Variants in CRB3 observed in about 807,000 individuals in gnomAD.
The protein encoded by CRB3 is crumbs cell polarity complex component 3, also known as protein crumbs homolog 3.
Under a neutral mutation model 10.4 loss-of-function variants are expected in CRB3, and 4 were observed. That is an observed-to-expected ratio of 0.39 (90% CI 0.19 to 0.88). The LOEUF (loss-of-function observed/expected upper bound fraction) is 0.88, where lower values mean the gene tolerates loss of function less well. Ranked by LOEUF, CRB3 falls within the 40% of genes least tolerant of loss-of-function variation. The pLI is 0.39. For synonymous variants in CRB3, 74 were observed against 73.4 expected (o/e 1.01, Z -0.04); for missense variants, 154 against 160.2 (o/e 0.96, Z 0.21).
At position 6,466,780 on chromosome 19, in the gene CRB3, GTGGGGAGAGGC is replaced by G; in HGVS notation, c.*114_*124del. On this transcript the variant is annotated 3_prime_UTR_variant, in exon 4 of 4. Coordinates refer to ENST00000600229, the MANE Select transcript of CRB3 (RefSeq NM_139161.5). The surrounding 1 kb of genome is among the most constrained non-coding windows in gnomAD (Gnocchi z 4.9). ...AGCCTCTGATGGCTCAGGAGGACTT[GTGGGGAGAGGC>G]TGGGGGCACCCATGTGGTGGGCTCT... 1 of 1,549,896 alleles carries G rather than the reference GTGGGGAGAGGC, an allele frequency of 6.5e-7. No individual in the cohort carries two copies. The highest frequency in any genetic ancestry group is 1.2e-5 in the South Asian group (1 of 82,842).
chr19:6,466,724 G>C lies in CRB3; in HGVS notation c.*52G>C. ...CACTGCCCAGGACTGCGGGTTGCTG[G>C]CTTGTACACCGCAGCTGCCACCGAG... On this transcript the variant is annotated 3_prime_UTR_variant, in exon 4 of 4. Coordinates refer to ENST00000600229, the MANE Select transcript of CRB3 (RefSeq NM_139161.5). The surrounding 1 kb of genome is among the most constrained non-coding windows in gnomAD (Gnocchi z 4.9). 6.4e-7 allele frequency: 1 copy of C among 1,574,142 alleles called. No individual in the cohort carries two copies. Among genetic ancestry groups the C allele is most frequent in the Admixed American group, 1.8e-5 (1 of 55,870 alleles).
rs1342831950 is a variant in CRB3, at chr19:6,466,314, C to T, written c.157-152C>T. 3 of 725,224 alleles carry T rather than the reference C, an allele frequency of 4.1e-6. No individual in the cohort carries two copies. In the African/African-American group the frequency reaches 5.3e-5, roughly 13 times the overall value. 44.9% of individuals were successfully genotyped at this position (725,224 alleles called of 1,614,324 possible). On this transcript the variant is annotated intron_variant, in intron 3 of 3. Coordinates refer to ENST00000600229, the MANE Select transcript of CRB3 (RefSeq NM_139161.5). The surrounding 1 kb of genome is among the most constrained non-coding windows in gnomAD (Gnocchi z 4.9). Reference sequence around the variant, plus strand: ...ACAAGGTAGGTAGGGATCCAGGAAGCCCCACTGTGGGGATCAGATCACCAA... The same window carrying T: ...ACAAGGTAGGTAGGGATCCAGGAAGTCCCACTGTGGGGATCAGATCACCAA...
At position 6,466,608 on chromosome 19, in the gene CRB3, AGGTGGGTGCCCGC is replaced by A; in HGVS notation, c.301_313del (p.Val101CysfsTer47). The A allele has an allele frequency of 6.2e-7, 1 of 1,606,548 alleles. No individual in the cohort carries two copies. Among genetic ancestry groups the A allele is most frequent in the Non-Finnish European group, 8.5e-7 (1 of 1,179,926 alleles). ...ACCTACCGGCCCAGTAGCGAGGAGC[AGGTGGGTGCCCGC>A]GTGCCACCGACCCCCAACCTCAAGT... On this transcript the variant is annotated frameshift_variant, in exon 4 of 4. Transcript: ENST00000600229. LOFTEE classifies it high-confidence loss of function. The surrounding 1 kb of genome is among the most constrained non-coding windows in gnomAD (Gnocchi z 4.9).
chr19:6,466,801 C>G lies in CRB3; in HGVS notation c.*129C>G. 1 of 1,552,884 alleles carries G rather than the reference C, an allele frequency of 6.4e-7. No individual in the cohort carries two copies. Among genetic ancestry groups the G allele is most frequent in the Non-Finnish European group, 8.7e-7 (1 of 1,150,054 alleles). Reference sequence around the variant, plus strand: ...ACTTGTGGGGAGAGGCTGGGGGCACCCATGTGGTGGGCTCTGTGCAGCATG... The same window carrying G: ...ACTTGTGGGGAGAGGCTGGGGGCACGCATGTGGTGGGCTCTGTGCAGCATG... On this transcript the variant is annotated 3_prime_UTR_variant, in exon 4 of 4. Coordinates refer to ENST00000600229, the MANE Select transcript of CRB3 (RefSeq NM_139161.5). The surrounding 1 kb of genome is among the most constrained non-coding windows in gnomAD (Gnocchi z 4.9).
chr19:6,466,394 G>T lies in CRB3; in HGVS notation c.157-72G>T, dbSNP rs2092794468. On this transcript the variant is annotated intron_variant, in intron 3 of 3. Coordinates refer to ENST00000600229, the MANE Select transcript of CRB3 (RefSeq NM_139161.5). This position sits in a 1 kb window ranked among gnomAD's most constrained non-coding sequence, Gnocchi z 4.9. ...GTGTTGTGGGGTAGGGGGTGATGAGGGGGATGCCATTCAGGTGGAGGTGGA... is the reference window on the plus strand; with the variant it reads ...GTGTTGTGGGGTAGGGGGTGATGAGTGGGATGCCATTCAGGTGGAGGTGGA... The T allele has an allele frequency of 1.6e-6, 2 of 1,251,248 alleles. No homozygotes were observed. The highest frequency in any genetic ancestry group is 2.3e-6 in the Non-Finnish European group (2 of 859,888). 77.5% of individuals were successfully genotyped at this position (1,251,248 alleles called of 1,614,324 possible).
Position 6,464,836 on chromosome 19 carries a change from T to G in CRB3, c.82+53T>G. On this transcript the variant is annotated intron_variant, in intron 2 of 3. Coordinates refer to ENST00000600229, the MANE Select transcript of CRB3 (RefSeq NM_139161.5). This position sits in a 1 kb window ranked among gnomAD's most constrained non-coding sequence, Gnocchi z 5.3. ...GGAGGGGTCTGGATTCCTGGATCTC[T>G]GCTGGGGACGTGGCTTAGAAGCGCT... 7.4e-5 allele frequency: 80 copies of G among 1,082,790 alleles called. No homozygotes were observed. Among genetic ancestry groups the G allele is most frequent in the South Asian group, 9.3e-5 (2 of 21,528 alleles). The allele number at this position is 1,082,790 out of a possible 1,614,324, so 67.1% of individuals were successfully genotyped here. A position where few individuals can be genotyped will look rare whatever the true frequency, so the allele number is the denominator to read the frequency against.
chr19:6,467,091 G>T lies in CRB3; in HGVS notation c.*419G>T. ...TGGGGAAAGGCAGTGCCCTCTCTGGGCAGTCAGATCCACCCAGTGCTTAAT... is the reference window on the plus strand; with the variant it reads ...TGGGGAAAGGCAGTGCCCTCTCTGGTCAGTCAGATCCACCCAGTGCTTAAT... On this transcript the variant is annotated 3_prime_UTR_variant, in exon 4 of 4. Transcript: ENST00000600229. 1 of 1,432,780 alleles carries T rather than the reference G, an allele frequency of 7.0e-7. No homozygotes were observed. The highest frequency in any genetic ancestry group is 9.8e-7 in the Non-Finnish European group (1 of 1,020,762). The allele number at this position is 1,432,780 out of a possible 1,614,324, so 88.8% of individuals were successfully genotyped here.
At position 6,464,658 on chromosome 19, in the gene CRB3, G is replaced by C; in HGVS notation, c.-44G>C. The C allele has an allele frequency of 8.6e-7, 1 of 1,161,950 alleles. No homozygotes were observed. The highest frequency in any genetic ancestry group is 1.1e-6 in the Non-Finnish European group (1 of 924,144). The allele number at this position is 1,161,950 out of a possible 1,614,324, so 72.0% of individuals were successfully genotyped here. ...CGGAGATGCGGTAGGAGGGGCGAGC[G>C]CGAGAAGCCCCTTCCTCGGCGCTGC... On this transcript the variant is annotated 5_prime_UTR_variant, in exon 2 of 4. Coordinates refer to ENST00000600229, the MANE Select transcript of CRB3 (RefSeq NM_139161.5). This position sits in a 1 kb window ranked among gnomAD's most constrained non-coding sequence, Gnocchi z 5.3.
intron 2 of CRB3, 89 bp from the exon 3 acceptor site, chr19:6,465,456 T>G (rs1599370007): frequency 1.9e-6 from 2 of 1,032,066 alleles, no homozygotes; most frequent in Non-Finnish European, 1.5e-6. Flanking sequence ...TAGGGGGAGG[T>G]GAAGGGGAAT....
Position 6,466,395 on chromosome 19 carries a change from G to C in CRB3, c.157-71G>C. Reference sequence around the variant, plus strand: ...TGTTGTGGGGTAGGGGGTGATGAGGGGGATGCCATTCAGGTGGAGGTGGAC... The same window carrying C: ...TGTTGTGGGGTAGGGGGTGATGAGGCGGATGCCATTCAGGTGGAGGTGGAC... On this transcript the variant is annotated intron_variant, in intron 3 of 3. Coordinates refer to ENST00000600229, the MANE Select transcript of CRB3 (RefSeq NM_139161.5). The surrounding 1 kb of genome is among the most constrained non-coding windows in gnomAD (Gnocchi z 4.9). The C allele has an allele frequency of 7.9e-7, 1 of 1,260,512 alleles. No individual in the cohort carries two copies. Among genetic ancestry groups the C allele is most frequent in the Non-Finnish European group, 1.2e-6 (1 of 867,964 alleles). 78.1% of individuals were successfully genotyped at this position (1,260,512 alleles called of 1,614,324 possible).
rs1336144310 is a variant in CRB3, at chr19:6,466,310, G to A, written c.157-156G>A. Among the ~76,000 whole-genome samples, 1 of 151,950 alleles carries A rather than the reference G, an allele frequency of 6.6e-6. No homozygotes were observed. ...CCAGACAAGGTAGGTAGGGATCCAG[G>A]AAGCCCCACTGTGGGGATCAGATCA... On this transcript the variant is annotated intron_variant, in intron 3 of 3. Coordinates refer to ENST00000600229, the MANE Select transcript of CRB3 (RefSeq NM_139161.5). This position sits in a 1 kb window ranked among gnomAD's most constrained non-coding sequence, Gnocchi z 4.9.
chr19:6,465,190 CT>C, intron 2 of CRB3: 2 of 323,760 alleles, frequency 6.2e-6, no homozygotes, highest in Non-Finnish European at 1.1e-5. Context: ...GCCATTCAGT[CT>C]TAGATTTGTT....
Position 6,465,539 on chromosome 19 carries a change from C to T in CRB3, c.83-6C>T, listed in dbSNP as rs777580356. On this transcript the variant is annotated splice_region_variant and splice_polypyrimidine_tract_variant and intron_variant, in intron 2 of 3. Transcript: ENST00000600229. ...CTGAGTTATTCTCTGCCTTCACCCT[C>T]CACAGTACAGACCACTTCTGCAAAT... is the stretch of plus-strand genomic sequence containing the variant. 4 of 1,613,282 alleles carry T rather than the reference C, an allele frequency of 2.5e-6. No homozygotes were observed. The highest frequency in any genetic ancestry group is 3.4e-6 in the Non-Finnish European group (4 of 1,179,252).
chr19:6,464,939 G>T lies in CRB3; in HGVS notation c.82+156G>T. On this transcript the variant is annotated intron_variant, in intron 2 of 3. Coordinates refer to ENST00000600229, the MANE Select transcript of CRB3 (RefSeq NM_139161.5). The surrounding 1 kb of genome is among the most constrained non-coding windows in gnomAD (Gnocchi z 5.3). ...CTTGGGGAGGGGTCTACAGGGTTAG[G>T]GCTCGGGGGGATTAAGATTTCTAGT... is the stretch of plus-strand genomic sequence containing the variant. The T allele has an allele frequency of 2.4e-6, 1 of 412,138 alleles. No individual in the cohort carries two copies. The highest frequency in any genetic ancestry group is 4.4e-5 in the Admixed American group (1 of 22,724). The allele number at this position is 412,138 out of a possible 1,614,324, so 25.5% of individuals were successfully genotyped here.
At position 6,464,722 on chromosome 19, in the gene CRB3, G is replaced by A. The variant is rs2092786181; in HGVS notation, c.21G>A (p.Gly7=). The A allele has an allele frequency of 1.7e-5, 21 of 1,246,074 alleles. No homozygotes were observed. The highest frequency in any genetic ancestry group is 1.9e-5 in the Non-Finnish European group (19 of 994,488). 77.2% of individuals were successfully genotyped at this position (1,246,074 alleles called of 1,614,324 possible). MANPGL[G]LLLALGLPFL... ...AGCCCATGGCGAACCCCGGGCTGGG[G>A]CTGCTTCTGGCGCTGGGCCTGCCGT... The change falls in exon 2 of 4, where the codon GGG becomes GGA. Residue 7 remains glycine, a synonymous_variant. Transcript: ENST00000600229. The surrounding 1 kb of genome is among the most constrained non-coding windows in gnomAD (Gnocchi z 5.3).
chr19:6,466,406 C>T lies in CRB3; in HGVS notation c.157-60C>T. The T allele has an allele frequency of 2.1e-6, 3 of 1,396,582 alleles. No individual in the cohort carries two copies. Among genetic ancestry groups the T allele is most frequent in the Non-Finnish European group, 3.0e-6 (3 of 988,438 alleles). The allele number at this position is 1,396,582 out of a possible 1,614,324, so 86.5% of individuals were successfully genotyped here. A position where few individuals can be genotyped will look rare whatever the true frequency, so the allele number is the denominator to read the frequency against. ...AGGGGGTGATGAGGGGGATGCCATTCAGGTGGAGGTGGACAGGCTACCCAG... is the reference window on the plus strand; with the variant it reads ...AGGGGGTGATGAGGGGGATGCCATTTAGGTGGAGGTGGACAGGCTACCCAG... On this transcript the variant is annotated intron_variant, in intron 3 of 3. Coordinates refer to ENST00000600229, the MANE Select transcript of CRB3 (RefSeq NM_139161.5). This position sits in a 1 kb window ranked among gnomAD's most constrained non-coding sequence, Gnocchi z 4.9.
chr19:6,464,529 C>A lies in CRB3; in HGVS notation c.-94-79C>A, dbSNP rs2092785369. The A allele has an allele frequency of 5.0e-6, 2 of 400,314 alleles. No homozygotes were observed. Among genetic ancestry groups the A allele is most frequent in the Admixed American group, 8.8e-5 (2 of 22,620 alleles). 24.8% of individuals were successfully genotyped at this position (400,314 alleles called of 1,614,324 possible). ...GCGGGACTCATGGGTGCCCTGGCGC[C>A]AGTTGTCTCTCCTGTGGGCCTGCGC... On this transcript the variant is annotated intron_variant, in intron 1 of 3. Transcript: ENST00000600229. The surrounding 1 kb of genome is among the most constrained non-coding windows in gnomAD (Gnocchi z 5.3).
At position 6,464,807 on chromosome 19, in the gene CRB3, G is replaced by C. The variant is rs555912374; in HGVS notation, c.82+24G>C. On this transcript the variant is annotated intron_variant, in intron 2 of 3. Coordinates refer to ENST00000600229, the MANE Select transcript of CRB3 (RefSeq NM_139161.5). The surrounding 1 kb of genome is among the most constrained non-coding windows in gnomAD (Gnocchi z 5.3). ...AAGTAGGTACCAGCTGAGAGCGCTG[G>C]GGGGGAGGGGTCTGGATTCCTGGAT... 251 of 1,230,196 alleles carry C rather than the reference G, an allele frequency of 2.0e-4. No individual in the cohort carries two copies. Among genetic ancestry groups the C allele is most frequent in the African/African-American group, 5.2e-4 (34 of 65,088 alleles). The allele number at this position is 1,230,196 out of a possible 1,614,324, so 76.2% of individuals were successfully genotyped here.
intron 3 of CRB3, 52 bp downstream of exon 3, chr19:6,465,670 T>A: frequency 1.4e-6 from 2 of 1,445,494 alleles, no homozygotes; most frequent in East Asian, 2.3e-5. Context: ...TATCTAGGGG[T>A]CACACATATA....
Sources: allele counts gnomAD v4.1 joint callset (sites outside exome capture counted in the v4.1 genomes callset), GRCh38; gene constraint gnomAD v4.1.1; non-coding constraint Gnocchi (gnomAD v3.1); transcripts MANE v1.5; gene names NCBI Gene and HGNC (gene_info 2026-07-23, HGNC 2026-07-21).